CFLAR: variants seen among roughly 807,000 people sequenced by gnomAD.
CFLAR encodes CASP8 and FADD-like apoptosis regulator.
CFLAR carries 14 observed loss-of-function variants against 51.1 expected under a neutral mutation model. That is an observed-to-expected ratio of 0.27 (90% CI 0.18 to 0.43). The LOEUF is 0.43. Ranked by LOEUF, CFLAR falls within the 20% of genes least tolerant of loss-of-function variation. CFLAR has a pLI of 1.00. For synonymous variants in CFLAR, 210 were observed against 211.6 expected, an observed-to-expected ratio of 0.99 and a Z score of 0.06; for missense variants, 390 against 566.5, an observed-to-expected ratio of 0.69 and a Z score of 3.16.
chr2:201,163,824 G>A lies in CFLAR; in HGVS notation c.1305-11G>A, dbSNP rs534726840. 1.1e-5 allele frequency: 17 copies of A among 1,599,820 alleles called. No homozygotes were observed. Among genetic ancestry groups the A allele is most frequent in the East Asian group, 6.7e-5 (3 of 44,690 alleles). On this transcript the variant is annotated splice_polypyrimidine_tract_variant and intron_variant, in intron 9 of 9. Transcript: ENST00000309955. ...CATGGCATTAAATTTTGCCTTTCTTGTTTTCTCCAGAAAACGCCCACTCCT... is the reference window on the plus strand; with the variant it reads ...CATGGCATTAAATTTTGCCTTTCTTATTTTCTCCAGAAAACGCCCACTCCT...
At position 201,160,935 on chromosome 2, in the gene CFLAR, C is replaced by A. The variant is rs1942913297; in HGVS notation, c.1297C>A (p.Gln433Lys). 22 of 1,610,938 alleles carry A rather than the reference C, an allele frequency of 1.4e-5. No individual in the cohort carries two copies. The highest frequency in any genetic ancestry group is 1.9e-5 in the Non-Finnish European group (22 of 1,177,464). The change falls in exon 9 of 10, where the codon CAA becomes AAA. Residue 433 changes from glutamine to lysine, a missense_variant. Around this residue, in one of 2 missense-constraint regions of CFLAR, gnomAD observed 287 missense variants for 363.6 expected, o/e 0.79. Coordinates refer to ENST00000309955, the MANE Select transcript of CFLAR (RefSeq NM_003879.7). ...GCAGTGCCTCTCCCAGAAACTGAGA[C>A]AAGAAAGGTGAGCCCCCAGGAGGTG... Reference protein sequence around the residue: ...YLQCLSQKLRQERKRPLLDLH... With the variant: ...YLQCLSQKLRKERKRPLLDLH...
chr2:201,163,318 C>T (rs1476301157), intron 9 of CFLAR: 4 of 1,230,652 alleles, frequency 3.3e-6, no homozygotes, highest in South Asian at 4.3e-5. Flanking sequence ...CCACAATGTA[C>T]CTCAAGTATA....
intron 5 of CFLAR, among the ~76,000 whole-genome samples, chr2:201,142,293 T>G (rs1241742426): frequency 6.8e-6 from 1 of 146,964 alleles, no homozygotes; most frequent in Non-Finnish European, 1.5e-5. Context: ...AAAAAAATAT[T>G]ATATATATAT....
chr2:201,135,502 C>A (rs969637519), intron 3 of CFLAR, among the ~76,000 whole-genome samples: 1 of 152,158 alleles, frequency 6.6e-6, no homozygotes, highest in African/African-American at 2.4e-5. Context: ...AATCAGGAGT[C>A]TAAGTTGCTC....
At chr2:201,163,499 C>T (rs1559256658) in intron 9 of CFLAR, 61 of 1,133,394 alleles carry the variant, frequency 5.4e-5, no homozygotes, top group Non-Finnish European at 6.3e-5. Flanking sequence ...GGGGTTAGAG[C>T]AGGAGCCACT....
intron 1 of CFLAR, among the ~76,000 whole-genome samples, chr2:201,122,227 C>A (rs1036602338): frequency 1.3e-5 from 2 of 152,244 alleles, no homozygotes; most frequent in Non-Finnish European, 1.5e-5. Context: ...TCCCCACTCA[C>A]AATGAGGTCC....
intron 8 of CFLAR, among the ~76,000 whole-genome samples, chr2:201,158,862 A>ATTG (rs570154406): frequency 0.031 from 4,059 of 128,860 alleles, 97 homozygotes; most frequent in Middle Eastern, 0.099. Context: ...CATTATTATT[A>ATTG]TTATTATTAT....
At chr2:201,150,101 G>A (rs999893556) in intron 8 of CFLAR, 3 of 204,504 alleles carry the variant, frequency 1.5e-5, no homozygotes, top group Middle Eastern at 1.8e-3. Context: ...TTTGGGAGGC[G>A]GAGGCGGGCG....
At chr2:201,140,293 A>G (rs1216101242) in intron 4 of CFLAR, 64 bp from the exon 5 acceptor site, 2 of 1,577,350 alleles carry the variant, frequency 1.3e-6, no homozygotes, top group Non-Finnish European at 1.7e-6. Flanking sequence ...CTGAACCACT[A>G]TTGAAGATTT....
At position 201,138,280 on chromosome 2, in the gene CFLAR, G is replaced by A. The variant is rs2125733393; in HGVS notation, c.524-2077G>A. On this transcript the variant is annotated intron_variant, in intron 4 of 9. Coordinates refer to ENST00000309955, the MANE Select transcript of CFLAR (RefSeq NM_003879.7). The surrounding 1 kb of genome is among the most constrained non-coding windows in gnomAD (Gnocchi z 4.0). ...CATTGACGCCTACCTGGGTGAGCAG[G>A]TCCAGGTGGTATTTGTCATCCTCAT... is the stretch of plus-strand genomic sequence containing the variant. 8.8e-6 allele frequency: 7 copies of A among 794,394 alleles called. No individual in the cohort carries two copies. Among genetic ancestry groups the A allele is most frequent in the East Asian group, 2.4e-5 (1 of 41,032 alleles). 49.2% of individuals were successfully genotyped at this position (794,394 alleles called of 1,614,324 possible).
chr2:201,119,901 A>G (rs921571524), intron 1 of CFLAR, among the ~76,000 whole-genome samples: 1 of 151,798 alleles, frequency 6.6e-6, no homozygotes, highest in African/African-American at 2.4e-5. Context: ...ATTTTTAAAA[A>G]TAAACACTCA....
chr2:201,138,362 G>A lies in CFLAR; in HGVS notation c.524-1995G>A. ...CTCATGGGAATCCTTGGAGGCCACA[G>A]GGTAGTCTCGGTTCTTCAGCGCGGT... On this transcript the variant is annotated intron_variant, in intron 4 of 9. Coordinates refer to ENST00000309955, the MANE Select transcript of CFLAR (RefSeq NM_003879.7). This position sits in a 1 kb window ranked among gnomAD's most constrained non-coding sequence, Gnocchi z 4.0. 1 of 769,006 alleles carries A rather than the reference G, an allele frequency of 1.3e-6. No homozygotes were observed. The highest frequency in any genetic ancestry group is 1.7e-5 in the Admixed American group (1 of 58,510). 47.6% of individuals were successfully genotyped at this position (769,006 alleles called of 1,614,324 possible). A position where few individuals can be genotyped will look rare whatever the true frequency, so the allele number is the denominator to read the frequency against.
intron 7 of CFLAR, chr2:201,149,367 A>G (rs1482355101): frequency 6.6e-6 from 2 of 301,858 alleles, no homozygotes; most frequent in Non-Finnish European, 1.2e-5. Flanking sequence ...TCTTAGGTTG[A>G]CACCTCTTTG....
At chr2:201,134,735 C>T (rs1480774365) in intron 3 of CFLAR, among the ~76,000 whole-genome samples, 6 of 151,592 alleles carry the variant, frequency 4.0e-5, no homozygotes, top group Non-Finnish European at 5.9e-5. Flanking sequence ...GTACTGTTGA[C>T]CTAAGGATAG....
chr2:201,151,508 G>A (rs773197563), intron 8 of CFLAR, among the ~76,000 whole-genome samples: 2 of 152,102 alleles, frequency 1.3e-5, no homozygotes, highest in African/African-American at 2.4e-5. Flanking sequence ...TTTCAGATAC[G>A]ATCCTGCTTG....
chr2:201,153,365 G>A (rs1941602015), intron 8 of CFLAR: 1 of 152,222 alleles, frequency 6.6e-6, no homozygotes, highest in Non-Finnish European at 1.5e-5. Flanking sequence ...GAAAGGCACA[G>A]TCTCCTCTCC....
At chr2:201,147,171 T>C (rs983316861) in intron 6 of CFLAR, among the ~76,000 whole-genome samples, 1 of 152,350 alleles carries the variant, frequency 6.6e-6, no homozygotes, top group East Asian at 1.9e-4. Context: ...AATATCCCTA[T>C]GATCCTGTTA....
At chr2:201,137,533 C>T (rs2050304089) in intron 4 of CFLAR, 2 of 669,298 alleles carry the variant, frequency 3.0e-6, no homozygotes, top group South Asian at 1.5e-5. Context: ...AGCCACTTCT[C>T]GTAAGAGTGC....
intron 4 of CFLAR, chr2:201,137,631 G>A (rs2125726500): frequency 1.3e-6 from 1 of 757,776 alleles, no homozygotes; most frequent in Middle Eastern, 3.5e-4. Context: ...CCGAAGGACA[G>A]ACAGGCTGTG....
Sources: gnomAD v4.1 joint callset for allele counts (sites outside exome capture counted in the v4.1 genomes callset) on GRCh38, gnomAD v4.1.1 for gene constraint, gnomAD v4.1.1 regional missense constraint, Gnocchi (gnomAD v3.1) non-coding constraint, MANE v1.5 for transcripts, NCBI Gene and HGNC (gene_info 2026-07-23, HGNC 2026-07-21) for gene names.